LUZP1: variants seen among roughly 807,000 people sequenced by gnomAD.
LUZP1 encodes the protein leucine zipper protein 1.
In LUZP1, 25 loss-of-function variants were observed where a neutral mutation model predicts 71.3. The observed-to-expected ratio is 0.35, with a 90% CI of 0.26 to 0.49. The LOEUF is 0.49. Among genes scored for constraint, LUZP1 ranks in the 20% least tolerant of loss-of-function variants. The pLI is 0.99. For synonymous variants in LUZP1, 481 were observed against 506.4 expected, an observed-to-expected ratio of 0.95 and a Z score of 0.67; for missense variants, 1,142 against 1,300.8, an observed-to-expected ratio of 0.88 and a Z score of 1.88.
chr1:23,142,262 G>A (rs1194790225), intron 2 of LUZP1, among the ~76,000 whole-genome samples: 3 of 152,100 alleles, frequency 2.0e-5, no homozygotes, highest in Admixed American at 1.3e-4. Context: ...CCAAAGTGCT[G>A]GGATTACAGG....
chr1:23,106,753 G>T (rs1643985438), intron 3 of LUZP1, among the ~76,000 whole-genome samples: 1 of 152,128 alleles, frequency 6.6e-6, no homozygotes, highest in African/African-American at 2.4e-5. Flanking sequence ...CATCATCCCT[G>T]CCCTGGACTA....
At chr1:23,168,495 C>A (rs72657860) in intron 2 of LUZP1, among the ~76,000 whole-genome samples, 2 of 151,316 alleles carry the variant, frequency 1.3e-5, no homozygotes, top group Non-Finnish European at 2.9e-5. Flanking sequence ...TTCCCTCCCC[C>A]TCCCGAGGAA....
At chr1:23,112,746 T>C (rs1265367003) in intron 2 of LUZP1, among the ~76,000 whole-genome samples, 2 of 151,920 alleles carry the variant, frequency 1.3e-5, no homozygotes, top group Non-Finnish European at 2.9e-5. Flanking sequence ...GAAGTTCCAA[T>C]CAAAAAACAA....
intron 3 of LUZP1, among the ~76,000 whole-genome samples, chr1:23,101,003 T>C (rs1261393534): frequency 6.6e-6 from 1 of 152,190 alleles, no homozygotes; most frequent in African/African-American, 2.4e-5. Context: ...AATCACCTCC[T>C]TATAAACTCT....
In LUZP1 at chr1:23,091,388, T is replaced by A. The variant is rs34493033; in HGVS notation, c.2874A>T (p.Thr958=). Residue 958 remains threonine, a synonymous_variant, in exon 4 of 5, where the codon ACA becomes ACT. Transcript: ENST00000302291. ...TGGGCTGTTCGAGTTCTGAGAAGTC[T>A]GTGGAAGACCTCTGGGTGTAGGCAT... is the stretch of plus-strand genomic sequence containing the variant. The A allele has an allele frequency of 5.7e-4, 913 of 1,614,218 alleles. 1 individual carries two copies. The highest frequency in any genetic ancestry group is 4.6e-3 in the African/African-American group (342 of 75,054).
At chr1:23,154,154 G>A in intron 2 of LUZP1, among the ~76,000 whole-genome samples, 1 of 152,136 alleles carries the variant, frequency 6.6e-6, no homozygotes, top group East Asian at 1.9e-4. Context: ...ACAACGCAGT[G>A]GTTGCCTGAG....
intron 2 of LUZP1, among the ~76,000 whole-genome samples, chr1:23,121,554 T>TA (rs1161251147): frequency 1.3e-5 from 2 of 151,946 alleles, no homozygotes; most frequent in Non-Finnish European, 2.9e-5. Flanking sequence ...CTTGTCTCTA[T>TA]AAAAAATAAA....
At chr1:23,099,630 G>GA (rs1210804157) in intron 3 of LUZP1, among the ~76,000 whole-genome samples, 1 of 152,310 alleles carries the variant, frequency 6.6e-6, no homozygotes, top group East Asian at 1.9e-4. Context: ...TGAATTCAGA[G>GA]AGTCTGGGAA....
intron 2 of LUZP1, among the ~76,000 whole-genome samples, chr1:23,115,875 T>C (rs1280283943): frequency 6.6e-6 from 1 of 152,068 alleles, no homozygotes; most frequent in Non-Finnish European, 1.5e-5. Flanking sequence ...TGGTCTACAA[T>C]TGAGACTAGG....
At chr1:23,125,147 T>C (rs559554082) in intron 2 of LUZP1, among the ~76,000 whole-genome samples, 8 of 152,310 alleles carry the variant, frequency 5.3e-5, no homozygotes, top group African/African-American at 1.7e-4. Context: ...CTGGCAGATA[T>C]GCTTGGGTAT....
intron 2 of LUZP1, among the ~76,000 whole-genome samples, chr1:23,121,178 C>G (rs1644126858): frequency 6.6e-6 from 1 of 152,168 alleles, no homozygotes; most frequent in Admixed American, 6.5e-5. Flanking sequence ...CCCTACTGAC[C>G]AAACAGCCCC....
intron 1 of LUZP1, among the ~76,000 whole-genome samples, chr1:23,170,462 C>CTTTTTTTT (rs200073505): frequency 2.4e-5 from 3 of 127,444 alleles, no homozygotes; most frequent in Non-Finnish European, 3.3e-5. Context: ...CTTTTTCTTT[C>CTTTTTTTT]TTTTTTTTTT....
Position 23,094,981 on chromosome 1 carries a change from A to G in LUZP1, c.-119-601T>C, listed in dbSNP as rs1277014996. ...CATTTTCAACATCTCTTCTCCCAAA[A>G]GTATATTTGTAAGTGGAATTCAGGT... On this transcript the variant is annotated intron_variant, in intron 3 of 4. Transcript: ENST00000302291. This position sits in a 1 kb window ranked among gnomAD's most constrained non-coding sequence, Gnocchi z 4.7. Among the ~76,000 whole-genome samples the G allele has an allele frequency of 1.3e-5, 2 of 152,196 alleles. No individual in the cohort carries two copies. Among genetic ancestry groups the G allele is most frequent in the East Asian group, 3.8e-4 (2 of 5,204 alleles).
At chr1:23,163,042 C>A (rs1178721397) in intron 2 of LUZP1, among the ~76,000 whole-genome samples, 1 of 151,856 alleles carries the variant, frequency 6.6e-6, no homozygotes, top group Non-Finnish European at 1.5e-5. Context: ...CAGCTCGAGA[C>A]CAGCCTGGCC....
chr1:23,102,708 C>A (rs1643941098), intron 3 of LUZP1, among the ~76,000 whole-genome samples: 1 of 151,898 alleles, frequency 6.6e-6, no homozygotes, highest in Admixed American at 6.6e-5. Context: ...GCCTGTAATC[C>A]CAGCACTTTG....
chr1:23,112,713 T>G (rs1156379918), intron 2 of LUZP1, among the ~76,000 whole-genome samples: 1 of 152,202 alleles, frequency 6.6e-6, no homozygotes, highest in African/African-American at 2.4e-5. Flanking sequence ...TTTTTGGATC[T>G]CTAGCCTGAG....
chr1:23,084,313 T>C (rs1643724025), exon 5 of LUZP1: 1 of 152,180 alleles, frequency 6.6e-6, no homozygotes, highest in African/African-American at 2.4e-5. Context: ...TCCTTGCTCT[T>C]TTCAGCTTCT....
At chr1:23,113,084 C>T (rs1644047466) in intron 2 of LUZP1, among the ~76,000 whole-genome samples, 1 of 152,134 alleles carries the variant, frequency 6.6e-6, no homozygotes, top group African/African-American at 2.4e-5. Flanking sequence ...AATACAATTC[C>T]AAATTACATA....
At chr1:23,155,476 T>C (rs764188565) in intron 2 of LUZP1, among the ~76,000 whole-genome samples, 15 of 152,196 alleles carry the variant, frequency 9.9e-5, no homozygotes, top group Non-Finnish European at 1.8e-4. Context: ...CTTAGTTTTT[T>C]CCTCTGCAAA....
Sources: allele counts gnomAD v4.1 joint callset (sites outside exome capture counted in the v4.1 genomes callset), GRCh38; gene constraint gnomAD v4.1.1; non-coding constraint Gnocchi (gnomAD v3.1); transcripts MANE v1.5; gene names NCBI Gene and HGNC (gene_info 2026-07-23, HGNC 2026-07-21).